The following FRMD4B variants were observed in gnomAD, a reference collection of about 807,000 sequenced individuals.
FRMD4B encodes the protein FERM domain containing 4B.
FRMD4B carries 74 observed loss-of-function variants against 141.5 expected under a neutral mutation model. The ratio of observed to expected loss-of-function variants is 0.52; its 90% CI spans 0.43 to 0.63. The LOEUF is 0.63. Among genes scored for constraint, FRMD4B ranks in the 30% least tolerant of loss-of-function variants. FRMD4B has a pLI of 0.00. For missense variants in FRMD4B, 1,366 were observed against 1,253.4 expected, an observed-to-expected ratio of 1.09 and a Z score of -1.36; for synonymous variants, 506 against 467.9, an observed-to-expected ratio of 1.08 and a Z score of -1.05.
At chr3:69,538,145 AC>A (rs1277095627) in intron 1 of FRMD4B, among the ~76,000 whole-genome samples, 1 of 152,190 alleles carries the variant, frequency 6.6e-6, no homozygotes, top group African/African-American at 2.4e-5. Context: ...TCGTCTTGTC[AC>A]CCAAGAAGGA....
At chr3:69,431,413 C>A (rs1221958689) in intron 2 of FRMD4B, among the ~76,000 whole-genome samples, 3 of 152,162 alleles carry the variant, frequency 2.0e-5, no homozygotes, top group African/African-American at 7.2e-5. Flanking sequence ...AGTTAAAGAA[C>A]TGATATCTTC....
In FRMD4B at chr3:69,420,008, C is replaced by G. The variant is rs148097362; in HGVS notation, c.-1+12626G>C. ...AGTAGCTGGGATTACAGGCACCCAC[C>G]ACCACGCCCAGCTAATTTTTGTACT... On this transcript the variant is annotated intron_variant, in intron 2 of 5. Coordinates refer to the FRMD4B transcript ENST00000459638. Among the ~76,000 whole-genome samples, 550 of 152,306 alleles carry G rather than the reference C, an allele frequency of 3.6e-3. 2 individuals are homozygous for G. Among genetic ancestry groups the G allele is most frequent in the Middle Eastern group, 0.01 (3 of 294 alleles).
chr3:69,499,472 T>C (rs1282800129), intron 1 of FRMD4B, among the ~76,000 whole-genome samples: 3 of 152,130 alleles, frequency 2.0e-5, no homozygotes, highest in Non-Finnish European at 4.4e-5. Flanking sequence ...TGGGAGCTGA[T>C]AGGAGTTTGC....
chr3:69,249,439 A>C (rs1474908259), intron 6 of FRMD4B, among the ~76,000 whole-genome samples, 191 bp from the exon 7 acceptor site: 1 of 152,230 alleles, frequency 6.6e-6, no homozygotes, highest in Admixed American at 6.5e-5. Flanking sequence ...CCTGTTAGGA[A>C]TATTCCTTAT....
At chr3:69,354,639 T>C (rs148449285) in intron 1 of FRMD4B, among the ~76,000 whole-genome samples, 58 of 152,316 alleles carry the variant, frequency 3.8e-4, no homozygotes, top group African/African-American at 1.2e-3. Context: ...AGATAGTTCA[T>C]GCAAAGCTCA....
chr3:69,320,145 C>A (rs13066342), intron 1 of FRMD4B, among the ~76,000 whole-genome samples: 40,505 of 152,078 alleles, frequency 0.27, 6,259 homozygotes, highest in Non-Finnish European at 0.34. Context: ...CAGGCTACAG[C>A]GTAAGTGACC....
intron 10 of FRMD4B, among the ~76,000 whole-genome samples, chr3:69,217,841 T>G (rs1288536988): frequency 6.6e-6 from 1 of 152,102 alleles, no homozygotes; most frequent in Non-Finnish European, 1.5e-5. Context: ...TATGTCAATC[T>G]CTCCCTGCTT....
intron 5 of FRMD4B, among the ~76,000 whole-genome samples, chr3:69,276,199 T>C (rs1323801246): frequency 1.3e-5 from 2 of 152,224 alleles, no homozygotes; most frequent in African/African-American, 4.8e-5. Context: ...TTTTTATAGA[T>C]ATCTTTTCCT....
At chr3:69,265,669 G>T (rs1010117118) in intron 5 of FRMD4B, among the ~76,000 whole-genome samples, 2 of 151,656 alleles carry the variant, frequency 1.3e-5, no homozygotes, top group Non-Finnish European at 2.9e-5. Context: ...GGATGGTCTC[G>T]ATCTCCTGAC....
chr3:69,344,458 T>C (rs1261207419), intron 1 of FRMD4B, among the ~76,000 whole-genome samples: 1 of 152,204 alleles, frequency 6.6e-6, no homozygotes, highest in Non-Finnish European at 1.5e-5. Flanking sequence ...TAACTACAAA[T>C]AATTAAGAGT....
At chr3:69,340,446 A>C (rs143590595) in intron 1 of FRMD4B, among the ~76,000 whole-genome samples, 4 of 152,300 alleles carry the variant, frequency 2.6e-5, no homozygotes, top group African/African-American at 9.6e-5. Flanking sequence ...TGCTAAGGAT[A>C]ATGGCCACCA....
chr3:69,202,502 G>A (rs900433037), intron 11 of FRMD4B, among the ~76,000 whole-genome samples: 9 of 150,464 alleles, frequency 6.0e-5, no homozygotes, highest in Non-Finnish European at 1.3e-4. Context: ...AAAAAGAGGA[G>A]CTTTATTTGT....
intron 1 of FRMD4B, among the ~76,000 whole-genome samples, chr3:69,446,511 T>G (rs1705412824): frequency 6.6e-6 from 1 of 152,092 alleles, no homozygotes; most frequent in Non-Finnish European, 1.5e-5. Flanking sequence ...TTTCACATTT[T>G]TAGTAAAGAT....
At chr3:69,472,445 A>C in intron 1 of FRMD4B, 1 of 448,778 alleles carries the variant, frequency 2.2e-6, no homozygotes, top group Non-Finnish European at 4.4e-6. Flanking sequence ...TAAAAAGGCC[A>C]AACGGAAGAC....
At chr3:69,262,226 C>T (rs964506224) in intron 5 of FRMD4B, among the ~76,000 whole-genome samples, 10 of 151,994 alleles carry the variant, frequency 6.6e-5, no homozygotes, top group African/African-American at 2.2e-4. Context: ...CTCAGCCTCC[C>T]GAAATGCTAG....
At position 69,526,008 on chromosome 3, in the gene FRMD4B, C is replaced by T. The variant is rs75728021; in HGVS notation, c.-129+16198G>A. Among the ~76,000 whole-genome samples, 250 of 152,244 alleles carry T rather than the reference C, an allele frequency of 1.6e-3. 1 individual carries two copies. The highest frequency in any genetic ancestry group is 5.8e-3 in the African/African-American group (239 of 41,532). On this transcript the variant is annotated intron_variant, in intron 1 of 5. Transcript: ENST00000459638. Reference sequence around the variant, plus strand: ...TAGCAGGTGCTTTCGGCATCCCTCCCACTCCTTTGTCCTTACCATTTCAGA... The same window carrying T: ...TAGCAGGTGCTTTCGGCATCCCTCCTACTCCTTTGTCCTTACCATTTCAGA...
intron 22 of FRMD4B, among the ~76,000 whole-genome samples, chr3:69,174,142 GA>G (rs5849878): frequency 0.86 from 122,919 of 142,994 alleles, 54,725 homozygotes; most frequent in Non-Finnish European, 0.99. Context: ...GTCTTGGGAA[GA>G]AAAAAAAAAA....
Position 69,309,607 on chromosome 3 carries a change from ATTTTTT to A in FRMD4B, c.323+1650_323+1655del, listed in dbSNP as rs34067186. ...ACAGATGTGTCACCATACCTGGCTG[ATTTTTT>A]TTTTTTTTTTTTTTGTAGATATGGG... On this transcript the variant is annotated intron_variant, in intron 3 of 22. Coordinates refer to ENST00000398540, the MANE Select transcript of FRMD4B (RefSeq NM_015123.3). Among the ~76,000 whole-genome samples the A allele has an allele frequency of 3.0e-3, 329 of 109,060 alleles. 2 individuals are homozygous for A. The highest frequency in any genetic ancestry group is 0.011 in the African/African-American group (314 of 27,688). The allele number at this position is 109,060 out of a possible 152,430, so 71.5% of individuals were successfully genotyped here. A position where few individuals can be genotyped will look rare whatever the true frequency, so the allele number is the denominator to read the frequency against.
rs117145349 is a variant in FRMD4B, at chr3:69,438,569, G to A, written c.-128-5808C>T. ...TGTTGACAAATTCCTGGCTTGCTTA[G>A]GTGACAATTTCAATACTTGGAAGGC... On this transcript the variant is annotated intron_variant, in intron 1 of 5. Transcript: ENST00000459638. Among the ~76,000 whole-genome samples, 130 of 152,270 alleles carry A rather than the reference G, an allele frequency of 8.5e-4. 2 individuals are homozygous for A. In the East Asian group the frequency reaches 0.021, roughly 24 times the overall value.
Sources: gnomAD v4.1 joint callset for allele counts (sites outside exome capture counted in the v4.1 genomes callset) on GRCh38, gnomAD v4.1.1 for gene constraint, MANE v1.5 for transcripts, NCBI Gene and HGNC (gene_info 2026-07-23, HGNC 2026-07-21) for gene names.